TRAF5: variants seen among roughly 807,000 people sequenced by gnomAD.
TRAF5 encodes the protein TNF receptor associated factor 5, also known as TNF receptor-associated factor 5.
TRAF5 carries 48 observed loss-of-function variants against 64.5 expected under a neutral mutation model. The ratio of observed to expected loss-of-function variants is 0.74; its 90% CI spans 0.59 to 0.95. The LOEUF is 0.95. Ranked by LOEUF, TRAF5 falls within the 40% of genes least tolerant of loss-of-function variation. The pLI is 0.00. For missense variants in TRAF5, 545 were observed against 662.8 expected, an observed-to-expected ratio of 0.82 and a Z score of 1.95; for synonymous variants, 206 against 240.5, an observed-to-expected ratio of 0.86 and a Z score of 1.33.
intron 2 of TRAF5, 192 bp downstream of exon 2, chr1:211,353,649 A>C (rs1454807092): frequency 1.6e-6 from 1 of 615,284 alleles, no homozygotes; most frequent in African/African-American, 1.8e-5. Flanking sequence ...ACTAATTTAC[A>C]GATATTTACC....
At position 211,369,562 on chromosome 1, in the gene TRAF5, C is replaced by T; in HGVS notation, c.900C>T (p.Gly300=). 6.3e-7 allele frequency: 1 copy of T among 1,589,806 alleles called. No homozygotes were observed. Residue 300 remains glycine, a synonymous_variant, in exon 9 of 11, where the codon GGC becomes GGT. Coordinates refer to ENST00000261464, the MANE Select transcript of TRAF5 (RefSeq NM_001033910.3). ...TCAAGCAGTTTGCACAGTTGTTTGG[C>T]AAAAATGGAAGCTTCCTCCCAAACA... is the stretch of plus-strand genomic sequence containing the variant. ...KEFKQFAQLF[G]KNGSFLPNIQ...
intron 1 of TRAF5, among the ~76,000 whole-genome samples, chr1:211,330,311 A>G (rs1702123587): frequency 6.6e-6 from 1 of 151,538 alleles, no homozygotes; most frequent in Non-Finnish European, 1.5e-5. Flanking sequence ...TTGACACCAC[A>G]GGCTCCATCA....
chr1:211,361,062 A>G (rs370725672), intron 6 of TRAF5, 26 bp from the exon 7 acceptor site: 14 of 1,610,174 alleles, frequency 8.7e-6, no homozygotes, highest in Non-Finnish European at 1.0e-5. Flanking sequence ...ATGAATTTCT[A>G]TAGCTTGTGA....
chr1:211,365,554 C>T (rs1049532204), intron 8 of TRAF5, 86 bp downstream of exon 8: 5 of 1,095,080 alleles, frequency 4.6e-6, no homozygotes, highest in Non-Finnish European at 6.6e-6. Flanking sequence ...TCTATTCTCC[C>T]CTGTTTCAGT....
intron 8 of TRAF5, chr1:211,368,969 A>ATG (rs1402890401): frequency 2.0e-5 from 3 of 152,306 alleles, no homozygotes; most frequent in African/African-American, 7.2e-5. Flanking sequence ...GTAACATTTA[A>ATG]TGTGGTATGG....
intron 1 of TRAF5, among the ~76,000 whole-genome samples, chr1:211,329,179 C>T (rs1344801054): frequency 3.3e-5 from 5 of 152,214 alleles, no homozygotes; most frequent in Non-Finnish European, 7.3e-5. Context: ...AGGCAAACTC[C>T]GGGCAAGACC....
rs933838088 is a variant in TRAF5 at position 211,372,873 on chromosome 1, C to T, written c.*171C>T. ...TGAAGTGCTGTCTTTTTACATTTTA[C>T]TCTGTCCCAGTTTGAAACTTAAAAC... On this transcript the variant is annotated 3_prime_UTR_variant, in exon 11 of 11. Coordinates refer to ENST00000261464, the MANE Select transcript of TRAF5 (RefSeq NM_001033910.3). 1 of 580,686 alleles carries T rather than the reference C, an allele frequency of 1.7e-6. No individual in the cohort carries two copies. Among genetic ancestry groups the T allele is most frequent in the African/African-American group, 1.9e-5 (1 of 53,788 alleles). 36.0% of individuals were successfully genotyped at this position (580,686 alleles called of 1,614,324 possible).
At chr1:211,347,946 A>T (rs1407029551) in intron 1 of TRAF5, among the ~76,000 whole-genome samples, 1 of 152,234 alleles carries the variant, frequency 6.6e-6, no homozygotes, top group Non-Finnish European at 1.5e-5. Flanking sequence ...GAAATCGGCA[A>T]ATGCTACAAG....
intron 2 of TRAF5, 91 bp downstream of exon 2, chr1:211,353,548 G>A: frequency 7.5e-7 from 1 of 1,339,354 alleles, no homozygotes; most frequent in Non-Finnish European, 1.0e-6. Flanking sequence ...GGGTTTTGGA[G>A]TTGTTTTACT....
chr1:211,356,166 T>A (rs1217668176), intron 3 of TRAF5, among the ~76,000 whole-genome samples: 1 of 152,232 alleles, frequency 6.6e-6, no homozygotes, highest in Non-Finnish European at 1.5e-5. Flanking sequence ...CTGGCTTGTA[T>A]GTTTAATGGT....
Position 211,372,897 on chromosome 1 carries a change from A to T in TRAF5, c.*195A>T. On this transcript the variant is annotated 3_prime_UTR_variant, in exon 11 of 11. Coordinates refer to ENST00000261464, the MANE Select transcript of TRAF5 (RefSeq NM_001033910.3). Reference sequence around the variant, plus strand: ...ACTCTGTCCCAGTTTGAAACTTAAAACTCTTAGAATATTCTCTTATTATTT... The same window carrying T: ...ACTCTGTCCCAGTTTGAAACTTAAATCTCTTAGAATATTCTCTTATTATTT... 2 of 492,148 alleles carry T rather than the reference A, an allele frequency of 4.1e-6. No individual in the cohort carries two copies. Among genetic ancestry groups the T allele is most frequent in the South Asian group, 3.9e-5 (1 of 25,784 alleles). 30.5% of individuals were successfully genotyped at this position (492,148 alleles called of 1,614,324 possible).
chr1:211,346,461 G>T (rs1702609708), intron 1 of TRAF5: 1 of 984,270 alleles, frequency 1.0e-6, no homozygotes, highest in African/African-American at 1.7e-5. Context: ...CTGGTCCTGT[G>T]CCCTTTTCAC....
chr1:211,326,650 T>C (rs1395220045), upstream of TRAF5: 4 of 981,128 alleles, frequency 4.1e-6, no homozygotes, highest in Middle Eastern at 1.0e-3. The surrounding 1 kb of genome is among the most constrained non-coding windows in gnomAD (Gnocchi z 5.0). Flanking sequence ...ACTGGACTTG[T>C]AGATACTAAC....
intron 1 of TRAF5, among the ~76,000 whole-genome samples, chr1:211,335,978 GT>G (rs377531776): frequency 1.3e-5 from 2 of 150,750 alleles, no homozygotes; most frequent in Non-Finnish European, 3.0e-5. Flanking sequence ...GATGATCTCT[GT>G]TTTTTTTTGC....
chr1:211,328,303 A>C (rs893160851), intron 1 of TRAF5, among the ~76,000 whole-genome samples: 3 of 152,164 alleles, frequency 2.0e-5, no homozygotes, highest in African/African-American at 7.2e-5. Context: ...GCTTCTGTAA[A>C]GGTTTTTGAT....
chr1:211,372,485 T>A lies in TRAF5; in HGVS notation c.1457T>A (p.Leu486His). Reference protein sequence around the residue: ...WPFRQRVTLMLLDQSGKKNIM... With the variant: ...WPFRQRVTLMHLDQSGKKNIM... The stretch of plus-strand genomic sequence containing the variant: ...TTCAGGCAGAGGGTGACCCTGATGC[T>A]TCTGGACCAGAGTGGCAAAAAGAAC... Residue 486 changes from leucine to histidine, a missense_variant, in exon 11 of 11, where the codon CTT becomes CAT. Coordinates refer to ENST00000261464, the MANE Select transcript of TRAF5 (RefSeq NM_001033910.3). 1 of 1,614,160 alleles carries A rather than the reference T, an allele frequency of 6.2e-7. No individual in the cohort carries two copies. The highest frequency in any genetic ancestry group is 8.5e-7 in the Non-Finnish European group (1 of 1,180,034).
At chr1:211,344,147 A>G (rs1468449778) in intron 1 of TRAF5, among the ~76,000 whole-genome samples, 1 of 152,166 alleles carries the variant, frequency 6.6e-6, no homozygotes, top group Admixed American at 6.5e-5. Flanking sequence ...AGGCAGCAGC[A>G]GCTTTCGTCA....
chr1:211,353,171 A>C, intron 1 of TRAF5, 68 bp from the exon 2 acceptor site: 2 of 1,421,258 alleles, frequency 1.4e-6, no homozygotes, highest in Non-Finnish European at 2.0e-6. Flanking sequence ...TAACCAAAGC[A>C]TCTGATGGCT....
chr1:211,328,062 G>T (rs1702067250), intron 1 of TRAF5, among the ~76,000 whole-genome samples: 1 of 152,248 alleles, frequency 6.6e-6, no homozygotes, highest in Admixed American at 6.5e-5. Flanking sequence ...TCTGGAAATA[G>T]AACAGTTTTG....
Sources: gnomAD v4.1 joint callset for allele counts (sites outside exome capture counted in the v4.1 genomes callset) on GRCh38, gnomAD v4.1.1 for gene constraint, Gnocchi (gnomAD v3.1) non-coding constraint, MANE v1.5 for transcripts, NCBI Gene and HGNC (gene_info 2026-07-23, HGNC 2026-07-21) for gene names.